The following SLC43A2 variants were observed in gnomAD, a reference collection of about 807,000 sequenced individuals.
SLC43A2 encodes the protein large neutral amino acids transporter small subunit 4.
SLC43A2 carries 38 observed loss-of-function variants against 63.2 expected under a neutral mutation model. That is an observed-to-expected ratio of 0.60 (90% CI 0.46 to 0.79). SLC43A2 has a LOEUF of 0.79. Among genes scored for constraint, SLC43A2 ranks in the 30% least tolerant of loss-of-function variants. The pLI, the probability that SLC43A2 is intolerant of heterozygous loss-of-function variation, is 0.00. For missense variants in SLC43A2, 644 were observed against 756.2 expected (o/e 0.85, Z 1.74); for synonymous variants, 322 against 331.0 (o/e 0.97, Z 0.30).
chr17:1,576,073 C>CTTTTTTT (rs56013428), intron 13 of SLC43A2, among the ~76,000 whole-genome samples: 12 of 81,524 alleles, frequency 1.5e-4, no homozygotes, highest in East Asian at 6.8e-4. Context: ...GAACTGTGTT[C>CTTTTTTT]TTTTTTTTTT....
At chr17:1,620,828 T>C (rs1471954800) in intron 2 of SLC43A2, among the ~76,000 whole-genome samples, 1 of 151,996 alleles carries the variant, frequency 6.6e-6, no homozygotes, top group Non-Finnish European at 1.5e-5. Context: ...TGGGCCACCG[T>C]GGGTCAGGAG....
rs968593747 is a variant in SLC43A2 at position 1,606,157 on chromosome 17, C to T, written c.501+7038G>A. Among the ~76,000 whole-genome samples the T allele has an allele frequency of 7.3e-5, 11 of 151,532 alleles. No individual in the cohort carries two copies. The highest frequency in any genetic ancestry group is 1.3e-4 in the Non-Finnish European group (9 of 67,996). Reference sequence around the variant, plus strand: ...CCCTCCAGAGCTGGCCGGGGGCCACCGCGGGACCCTCTCCTGGACCCTCCA... The same window carrying T: ...CCCTCCAGAGCTGGCCGGGGGCCACTGCGGGACCCTCTCCTGGACCCTCCA... On this transcript the variant is annotated intron_variant, in intron 5 of 13. Coordinates refer to ENST00000301335, the MANE Select transcript of SLC43A2 (RefSeq NM_152346.3). The surrounding 1 kb of genome is among the most constrained non-coding windows in gnomAD (Gnocchi z 4.7).
intron 5 of SLC43A2, among the ~76,000 whole-genome samples, chr17:1,600,153 T>TATATATATATATATATATATATATA (rs1491178977): frequency 2.6e-5 from 1 of 38,250 alleles, no homozygotes; most frequent in Non-Finnish European, 5.1e-5. Flanking sequence ...TATATATATA[T>TATATATATATATATATATATATATA]TTTTTTTTTT....
intron 9 of SLC43A2, among the ~76,000 whole-genome samples, chr17:1,587,529 A>T (rs1396122091): frequency 6.6e-6 from 1 of 152,120 alleles, no homozygotes; most frequent in East Asian, 1.9e-4. Context: ...TCCTTGGGCC[A>T]TGGCCCCCCT....
intron 5 of SLC43A2, among the ~76,000 whole-genome samples, chr17:1,602,119 C>T (rs898113278): frequency 1.3e-5 from 2 of 152,156 alleles, no homozygotes; most frequent in East Asian, 3.8e-4. Flanking sequence ...GCGTGTGGGT[C>T]GACAAGGGTG....
At chr17:1,612,637 C>A (rs1435034634) in intron 5 of SLC43A2, among the ~76,000 whole-genome samples, 1 of 152,258 alleles carries the variant, frequency 6.6e-6, no homozygotes, top group East Asian at 1.9e-4. Flanking sequence ...GGGCACAAGG[C>A]TAGTGAGCTG....
chr17:1,619,310 A>AAACAG (rs1907948251), intron 2 of SLC43A2, among the ~76,000 whole-genome samples: 1 of 152,188 alleles, frequency 6.6e-6, no homozygotes, highest in Non-Finnish European at 1.5e-5. Flanking sequence ...TCGAAAAACA[A>AAACAG]AACAGAACAA....
chr17:1,616,343 C>T, intron 3 of SLC43A2: 1 of 560,396 alleles, frequency 1.8e-6, no homozygotes, highest in Middle Eastern at 4.6e-4. Context: ...CCTGGGCGGC[C>T]TGGAGCCTGG....
chr17:1,581,079 G>A (rs1197043406), intron 11 of SLC43A2, among the ~76,000 whole-genome samples: 2 of 152,040 alleles, frequency 1.3e-5, no homozygotes, highest in African/African-American at 4.8e-5. Context: ...CCCTGTGGTC[G>A]CCTTGTCTTC....
At position 1,613,285 on chromosome 17, in the gene SLC43A2, G is replaced by A. The variant is rs767335009; in HGVS notation, c.425-14C>T. 5.6e-6 allele frequency: 9 copies of A among 1,613,754 alleles called. No individual in the cohort carries two copies. Among genetic ancestry groups the A allele is most frequent in the African/African-American group, 1.3e-5 (1 of 74,910 alleles). On this transcript the variant is annotated splice_polypyrimidine_tract_variant and intron_variant, in intron 4 of 13. Coordinates refer to ENST00000301335, the MANE Select transcript of SLC43A2 (RefSeq NM_152346.3). ...GCACGGAGAGAGCTGCAGGGACATG[G>A]AAAGCTCGTGAGTGGAGACCCCAGC...
intron 2 of SLC43A2, among the ~76,000 whole-genome samples, chr17:1,621,741 C>T (rs1567649544): frequency 2.0e-5 from 3 of 152,238 alleles, no homozygotes; most frequent in Non-Finnish European, 4.4e-5. Flanking sequence ...AGGTAAGTCA[C>T]TTGCAGAAGG....
At chr17:1,582,592 T>G (rs1281940756) in intron 11 of SLC43A2, among the ~76,000 whole-genome samples, 1 of 152,178 alleles carries the variant, frequency 6.6e-6, no homozygotes, top group African/African-American at 2.4e-5. Context: ...GGAAATGGCA[T>G]GATGGTGGTA....
chr17:1,591,556 C>T lies in SLC43A2; in HGVS notation c.728+10G>A. On this transcript the variant is annotated intron_variant, in intron 7 of 13. Coordinates refer to ENST00000301335, the MANE Select transcript of SLC43A2 (RefSeq NM_152346.3). ...CTGGGGGCAGGCGGGACGGGGGCAC[C>T]TCTACTTACGAGTAGTCCATGTCCT... 2 of 1,556,388 alleles carry T rather than the reference C, an allele frequency of 1.3e-6. No individual in the cohort carries two copies. The highest frequency in any genetic ancestry group is 1.2e-5 in the South Asian group (1 of 84,970).
chr17:1,580,555 T>C (rs997394391), intron 11 of SLC43A2, among the ~76,000 whole-genome samples: 1 of 152,016 alleles, frequency 6.6e-6, no homozygotes, highest in Non-Finnish European at 1.5e-5. Context: ...TTTTTGTGGT[T>C]TGTTCTGTTT....
intron 1 of SLC43A2, 147 bp from the exon 2 acceptor site, chr17:1,628,067 A>AGGG: frequency 1.2e-6 from 1 of 813,688 alleles, no homozygotes; most frequent in East Asian, 4.0e-5. Flanking sequence ...AGCGAACCCC[A>AGGG]GCCCTGCCCG....
chr17:1,595,144 G>A (rs1434523670), intron 5 of SLC43A2, among the ~76,000 whole-genome samples: 3 of 151,972 alleles, frequency 2.0e-5, no homozygotes, highest in Admixed American at 6.6e-5. Context: ...AGCCGGATGT[G>A]GTGGCAGGCG....
In SLC43A2 at chr17:1,575,476, G is replaced by A. The variant is rs2075909566; in HGVS notation, c.*128C>T. On this transcript the variant is annotated 3_prime_UTR_variant, in exon 14 of 14. Coordinates refer to ENST00000301335, the MANE Select transcript of SLC43A2 (RefSeq NM_152346.3). Reference sequence around the variant, plus strand: ...CACAGAGCTCCGAGGCAGGGCCCCGGGAGGGAGCGTGAACGCTGGCACGGA... The same window carrying A: ...CACAGAGCTCCGAGGCAGGGCCCCGAGAGGGAGCGTGAACGCTGGCACGGA... The A allele has an allele frequency of 8.0e-7, 1 of 1,251,960 alleles. No homozygotes were observed. Among genetic ancestry groups the A allele is most frequent in the Admixed American group, 1.9e-5 (1 of 52,152 alleles). 77.6% of individuals were successfully genotyped at this position (1,251,960 alleles called of 1,614,324 possible).
rs2076059663 is a variant in SLC43A2, at chr17:1,583,951, A to G, written c.1218-615T>C. On this transcript the variant is annotated intron_variant, in intron 10 of 13. Transcript: ENST00000301335. This position sits in a 1 kb window ranked among gnomAD's most constrained non-coding sequence, Gnocchi z 5.5. ...CGCTCTGTCACCCGGGCTGGAGTGC[A>G]GTGGTGTGATCTCGGCTCATTGCCA... Among the ~76,000 whole-genome samples the G allele has an allele frequency of 6.6e-6, 1 of 151,650 alleles. No homozygotes were observed. Among genetic ancestry groups the G allele is most frequent in the South Asian group, 2.1e-4 (1 of 4,820 alleles).
At chr17:1,596,918 C>A (rs1251997012) in intron 5 of SLC43A2, among the ~76,000 whole-genome samples, 14 of 152,102 alleles carry the variant, frequency 9.2e-5, no homozygotes, top group Admixed American at 9.2e-4. Flanking sequence ...CATTAGGACA[C>A]CAAAAAGTCA....
Sources: allele counts gnomAD v4.1 joint callset (sites outside exome capture counted in the v4.1 genomes callset), GRCh38; gene constraint gnomAD v4.1.1; non-coding constraint Gnocchi (gnomAD v3.1); transcripts MANE v1.5; gene names NCBI Gene and HGNC (gene_info 2026-07-23, HGNC 2026-07-21).